The following AKT3 variants were observed in gnomAD, a reference collection of about 807,000 sequenced individuals.
AKT3 encodes the protein AKT serine/threonine kinase 3, also known as RAC-gamma serine/threonine-protein kinase.
A neutral mutation model predicts 65.3 loss-of-function variants in AKT3; 15 were observed. The ratio of observed to expected loss-of-function variants is 0.23; its 90% CI spans 0.15 to 0.35. The LOEUF (loss-of-function observed/expected upper bound fraction) is 0.35, where lower values mean the gene tolerates loss of function less well. Ranked by LOEUF, AKT3 falls within the 10% of genes least tolerant of loss-of-function variation. The probability of loss-of-function intolerance (pLI) is 1.00; values close to 1 mark genes in which losing one functional copy is unlikely to be tolerated. For synonymous variants in AKT3, 206 were observed against 183.8 expected, an observed-to-expected ratio of 1.12 and a Z score of -0.98; for missense variants, 243 against 576.5, an observed-to-expected ratio of 0.42 and a Z score of 5.92.
intron 2 of AKT3, among the ~76,000 whole-genome samples, chr1:243,837,164 A>T (rs914337576): frequency 6.6e-6 from 1 of 152,152 alleles, no homozygotes; most frequent in African/African-American, 2.4e-5. Context: ...CTACTAAAAA[A>T]ATAAAAATAA....
chr1:243,575,298 T>C (rs966089209), intron 8 of AKT3, among the ~76,000 whole-genome samples: 4 of 152,134 alleles, frequency 2.6e-5, no homozygotes, highest in African/African-American at 9.7e-5. Flanking sequence ...TGAACCAACT[T>C]TTCAATTCAG....
intron 13 of AKT3, among the ~76,000 whole-genome samples, chr1:243,491,609 G>A (rs1178665640): frequency 6.6e-6 from 1 of 152,234 alleles, no homozygotes; most frequent in Non-Finnish European, 1.5e-5. Flanking sequence ...TCTAGGTAGG[G>A]GCTGTCAGTG....
At chr1:243,598,919 G>T (rs1254408517) in intron 8 of AKT3, among the ~76,000 whole-genome samples, 1 of 152,120 alleles carries the variant, frequency 6.6e-6, no homozygotes, top group Admixed American at 6.6e-5. Flanking sequence ...TTGATTGAAT[G>T]AGCTAATCTT....
chr1:243,648,644 G>C (rs955246126), intron 4 of AKT3, among the ~76,000 whole-genome samples: 1 of 152,148 alleles, frequency 6.6e-6, no homozygotes, highest in South Asian at 2.1e-4. Context: ...GCTTGTAGAG[G>C]ATTGGTCAAA....
intron 2 of AKT3, among the ~76,000 whole-genome samples, chr1:243,701,665 C>A (rs368691576): frequency 4.3e-3 from 539 of 124,666 alleles, no homozygotes; most frequent in Non-Finnish European, 5.7e-3. Context: ...AGAAAAAATG[C>A]AAAAAAAAAA....
At chr1:243,523,269 AC>A in intron 12 of AKT3, among the ~76,000 whole-genome samples, 1 of 144,586 alleles carries the variant, frequency 6.9e-6, no homozygotes, top group South Asian at 2.2e-4. Flanking sequence ...GAACACACAC[AC>A]ACACACACAC....
At chr1:243,788,444 C>A in intron 2 of AKT3, among the ~76,000 whole-genome samples, 1 of 152,136 alleles carries the variant, frequency 6.6e-6, no homozygotes, top group East Asian at 1.9e-4. Context: ...GTGGGGGGGA[C>A]TGATTCCGGG....
rs984850785 is a variant in AKT3, at chr1:243,850,131, C to A, written c.-204G>T. 1 of 149,342 alleles carries A rather than the reference C, an allele frequency of 6.7e-6. No homozygotes were observed. Among genetic ancestry groups the A allele is most frequent in the Non-Finnish European group, 1.4e-5 (1 of 73,218 alleles). The allele number at this position is 149,342 out of a possible 1,614,324, so 9.3% of individuals were successfully genotyped here. A position where few individuals can be genotyped will look rare whatever the true frequency, so the allele number is the denominator to read the frequency against. On this transcript the variant is annotated 5_prime_UTR_variant, in exon 1 of 14. Coordinates refer to ENST00000673466, the MANE Select transcript of AKT3 (RefSeq NM_005465.7). The stretch of plus-strand genomic sequence containing the variant: ...GGGGGGGCGGGGGGAGGAGAGGGGG[C>A]GACTCGGGGGTCCCCCCTCCCTCCT...
At chr1:243,541,429 T>G (rs1487049951) in intron 12 of AKT3, among the ~76,000 whole-genome samples, 1 of 107,356 alleles carries the variant, frequency 9.3e-6, no homozygotes. Context: ...GGTCTTGCCT[T>G]TTTTTTTTAA....
At chr1:243,649,004 T>C (rs1681060208) in intron 4 of AKT3, among the ~76,000 whole-genome samples, 1 of 152,126 alleles carries the variant, frequency 6.6e-6, no homozygotes, top group Non-Finnish European at 1.5e-5. Flanking sequence ...TGTGAGAAAT[T>C]TCTTCTTTTC....
intron 2 of AKT3, among the ~76,000 whole-genome samples, chr1:243,826,325 A>G (rs990488649): frequency 3.9e-5 from 6 of 152,192 alleles, no homozygotes; most frequent in African/African-American, 1.4e-4. Flanking sequence ...AACATTAGTT[A>G]CATTTGCCAA....
intron 3 of AKT3, among the ~76,000 whole-genome samples, chr1:243,681,563 C>T (rs1044257547): frequency 1.4e-4 from 21 of 152,106 alleles, no homozygotes; most frequent in Non-Finnish European, 2.5e-4. Flanking sequence ...AAAGAAGTCT[C>T]GCTATTATAT....
chr1:243,734,143 G>C (rs1188558794), intron 2 of AKT3, among the ~76,000 whole-genome samples: 1 of 152,130 alleles, frequency 6.6e-6, no homozygotes, highest in Non-Finnish European at 1.5e-5. Flanking sequence ...TGTATCTCCT[G>C]TACCTCACTG....
chr1:243,837,559 T>A (rs1349834730), intron 2 of AKT3, among the ~76,000 whole-genome samples: 3 of 152,322 alleles, frequency 2.0e-5, no homozygotes, highest in Admixed American at 6.5e-5. Flanking sequence ...GGTAATATAT[T>A]TTTTTAAATA....
chr1:243,614,365 G>T (rs972687609), intron 7 of AKT3, among the ~76,000 whole-genome samples: 2 of 152,064 alleles, frequency 1.3e-5, no homozygotes, highest in Non-Finnish European at 2.9e-5. Context: ...ACAGTGTAAA[G>T]GGTTCCACTT....
chr1:243,574,840 T>C (rs1306911423), intron 8 of AKT3, among the ~76,000 whole-genome samples: 1 of 152,060 alleles, frequency 6.6e-6, no homozygotes, highest in African/African-American at 2.4e-5. Flanking sequence ...AAAATAGTGA[T>C]TAGGTTTCTA....
At chr1:243,796,843 C>T (rs1558819571) in intron 2 of AKT3, among the ~76,000 whole-genome samples, 1 of 152,006 alleles carries the variant, frequency 6.6e-6, no homozygotes, top group East Asian at 1.9e-4. Context: ...CATGGATGAA[C>T]CTGGAAAACA....
At chr1:243,717,566 T>C (rs1487799612) in intron 2 of AKT3, among the ~76,000 whole-genome samples, 1 of 152,208 alleles carries the variant, frequency 6.6e-6, no homozygotes, top group South Asian at 2.1e-4. Flanking sequence ...TTACTTCATA[T>C]GAGAGACAAG....
intron 2 of AKT3, among the ~76,000 whole-genome samples, chr1:243,718,767 C>A (rs755535072): frequency 3.9e-5 from 6 of 152,164 alleles, no homozygotes; most frequent in Non-Finnish European, 8.8e-5. Flanking sequence ...GCCACCGCAC[C>A]CAGCCTCAGC....
Sources: gnomAD v4.1 joint callset for allele counts (sites outside exome capture counted in the v4.1 genomes callset) on GRCh38, gnomAD v4.1.1 for gene constraint, MANE v1.5 for transcripts, NCBI Gene and HGNC (gene_info 2026-07-23, HGNC 2026-07-21) for gene names.